Variants in SIGLEC1 observed in about 807,000 individuals in gnomAD.
SIGLEC1 encodes sialoadhesin.
A neutral mutation model predicts 148.0 loss-of-function variants in SIGLEC1; 132 were observed. That is an observed-to-expected ratio of 0.89 (90% CI 0.77 to 1.03). The LOEUF is 1.03. SIGLEC1 is among the 50% of genes least tolerant of loss of function. The probability of loss-of-function intolerance (pLI) is 0.00; values close to 1 mark genes in which losing one functional copy is unlikely to be tolerated. For missense variants in SIGLEC1, 2,253 were observed against 2,271.4 expected (o/e 0.99, Z 0.16); for synonymous variants, 945 against 969.0 (o/e 0.98, Z 0.46).
Position 3,690,115 on chromosome 20 carries a change from C to T in SIGLEC1, c.4741G>A (p.Ala1581Thr), listed in dbSNP as rs1331593945. ...RLVASSQPQGAPAEPHIHVLA... is the reference protein window; with the variant it reads ...RLVASSQPQGTPAEPHIHVLA... ...ACATGGATGTGTGGCTCTGCAGGAG[C>T]ACCCTGGGGCTGACTGGAGGCCACC... The change falls in exon 19 of 22, where the codon GCT (alanine) becomes ACT (threonine). Residue 1581 changes from alanine to threonine, a missense_variant. Ala to Thr is a moderately conservative substitution (Grantham distance 58). Transcript: ENST00000344754. 6 of 1,610,140 alleles carry T rather than the reference C, an allele frequency of 3.7e-6. No homozygotes were observed. Among genetic ancestry groups the T allele is most frequent in the Non-Finnish European group, 5.1e-6 (6 of 1,178,730 alleles).
In SIGLEC1 at chr20:3,691,434, G is replaced by T. The variant is rs2088760903; in HGVS notation, c.4497C>A (p.Thr1499=). 1 of 1,613,214 alleles carries T rather than the reference G, an allele frequency of 6.2e-7. No homozygotes were observed. Among genetic ancestry groups the T allele is most frequent in the Non-Finnish European group, 8.5e-7 (1 of 1,180,022 alleles). Residue 1499 remains threonine (T), a synonymous_variant, in exon 18 of 22, where the codon ACC becomes ACA. Transcript: ENST00000344754. Reference sequence around the variant, plus strand: ...TCCCAGCTTGAGCACGAGCCACGTGGGTGAAGGCGAGAGTGGGCACAGGCT... The same window carrying T: ...TCCCAGCTTGAGCACGAGCCACGTGTGTGAAGGCGAGAGTGGGCACAGGCT... ...HAEPVPTLAF[T]HVARAQAGMY... is the part of the protein sequence containing the mutation.
rs775700529 is a variant in SIGLEC1, at chr20:3,706,021, G to T, written c.429C>A (p.Thr143=). The T allele has an allele frequency of 1.2e-6, 2 of 1,613,260 alleles. No individual in the cohort carries two copies. The highest frequency in any genetic ancestry group is 1.7e-6 in the Non-Finnish European group (2 of 1,179,772). ...VTVTEEPRVP[T]IASPVELLEG... ...CGAGAAGCTCCACCGGGGAGGCAAT[G>T]GTGGGCACCCTGGGCTCCTCTGAGG... Residue 143 remains threonine, a synonymous_variant, in exon 4 of 22, where the codon ACC becomes ACA. Coordinates refer to ENST00000344754, the MANE Select transcript of SIGLEC1 (RefSeq NM_023068.4).
chr20:3,706,542 G>T lies in SIGLEC1; in HGVS notation c.214C>A (p.His72Asn). The change falls in exon 3 of 22, where the codon CAC (histidine) becomes AAC (asparagine). Residue 72 changes from histidine (H) to asparagine (N), a missense_variant. Coordinates refer to ENST00000344754, the MANE Select transcript of SIGLEC1 (RefSeq NM_023068.4). The stretch of plus-strand genomic sequence containing the variant: ...TCCACCAGCTTGGGGTCCGCCGAGT[G>T]GCTCACCACCTGCCGCTGGCCCGAG... ...DYSGQRQVVS[H>N]SADPKLVEAR... 6.2e-7 allele frequency: 1 copy of T among 1,612,672 alleles called. No homozygotes were observed. Among genetic ancestry groups the T allele is most frequent in the Non-Finnish European group, 8.5e-7 (1 of 1,179,874 alleles).
At chr20:3,705,022 C>A (rs1228461092) in intron 4 of SIGLEC1, among the ~76,000 whole-genome samples, 1 of 152,018 alleles carries the variant, frequency 6.6e-6, no homozygotes, top group African/African-American at 2.4e-5. Flanking sequence ...GTTTGAGACA[C>A]AGTCTCACTC....
rs750742290 is a variant in SIGLEC1 at position 3,703,278 on chromosome 20, C to A, written c.1147G>T (p.Ala383Ser). 2 of 1,614,180 alleles carry A rather than the reference C, an allele frequency of 1.2e-6. No individual in the cohort carries two copies. Among genetic ancestry groups the A allele is most frequent in the Admixed American group, 3.3e-5 (2 of 60,026 alleles). The change falls in exon 6 of 22, where the codon GCT becomes TCT. Residue 383 changes from alanine to serine, a missense_variant. By Grantham distance (99) the Ala-to-Ser change is moderately conservative. Transcript: ENST00000344754. ...TCACAGAAGTAGAAGCCAGTATCAG[C>A]CCTAGTGGCCAAGTGCAGCCGGAGG... Reference protein sequence around the residue: ...HTLRLHLATRADTGFYFCEVQ... With the variant: ...HTLRLHLATRSDTGFYFCEVQ...
intron 1 of SIGLEC1, among the ~76,000 whole-genome samples, chr20:3,711,942 T>C (rs1227970797): frequency 1.4e-5 from 2 of 148,042 alleles, no homozygotes; most frequent in Admixed American, 6.7e-5. Flanking sequence ...GATGATCAGG[T>C]TGGAATTCTG....
chr20:3,693,418 A>T, intron 14 of SIGLEC1, 29 bp downstream of exon 14: 1 of 1,534,392 alleles, frequency 6.5e-7, no homozygotes, highest in Non-Finnish European at 8.8e-7. Flanking sequence ...CATTCCTGTG[A>T]GTCCCACCCT....
chr20:3,691,851 A>G, intron 17 of SIGLEC1, 52 bp downstream of exon 17: 1 of 1,524,876 alleles, frequency 6.6e-7, no homozygotes, highest in Non-Finnish European at 8.9e-7. Flanking sequence ...CCTCTCGTGG[A>G]CTTGGACCTG....
Position 3,701,342 on chromosome 20 carries a change from C to A in SIGLEC1, c.1528G>T (p.Ala510Ser), listed in dbSNP as rs779767115. ...ATSTLDFHAN[A>S]ARLLISPAAE... ...CCCTGGCTGCCAGTGCCCATCTTAC[C>A]ATTGGCATGGAAGTCCAGGGTGGAG... The change falls in exon 7 of 22, where the codon GCC becomes TCC. Residue 510 changes from alanine (A) to serine (S), a missense_variant and splice_region_variant. Ala to Ser is a moderately conservative substitution (Grantham distance 99, BLOSUM62 1). Transcript: ENST00000344754. 6.2e-7 allele frequency: 1 copy of A among 1,604,428 alleles called. No individual in the cohort carries two copies. The highest frequency in any genetic ancestry group is 2.2e-5 in the East Asian group (1 of 44,764).
intron 9 of SIGLEC1, 78 bp from the exon 10 acceptor site, chr20:3,697,420 A>G (rs2087812183): frequency 3.8e-6 from 6 of 1,576,792 alleles, no homozygotes; most frequent in Non-Finnish European, 5.2e-6. Context: ...GCCTGGAAGG[A>G]GCAGGAAGGA....
rs534026993 is a variant in SIGLEC1 at position 3,693,214 on chromosome 20, G to A, written c.3509-83C>T. The A allele has an allele frequency of 1.5e-5, 22 of 1,440,496 alleles. No individual in the cohort carries two copies. In the African/African-American group the frequency reaches 2.8e-4, roughly 19 times the overall value. The allele number at this position is 1,440,496 out of a possible 1,614,324, so 89.2% of individuals were successfully genotyped here. The stretch of plus-strand genomic sequence containing the variant: ...TTGCAGGTGGCATTCAAACTCAGGA[G>A]GGCCCTGGCTCCCCACCCCTATGGC... On this transcript the variant is annotated intron_variant, in intron 14 of 21. Transcript: ENST00000344754.
Position 3,706,497 on chromosome 20 carries a change from T to C in SIGLEC1, c.259A>G (p.Thr87Ala), listed in dbSNP as rs1277890861. The C allele has an allele frequency of 6.2e-7, 1 of 1,613,706 alleles. No individual in the cohort carries two copies. The highest frequency in any genetic ancestry group is 1.7e-5 in the Admixed American group (1 of 60,028). The stretch of plus-strand genomic sequence containing the variant: ...TGCTCGGGGTTCCCCATGAACTCGG[T>C]GCGGCCGCGGAAGCGGGCCTCCACC... The part of the protein sequence containing the change: ...KLVEARFRGR[T>A]EFMGNPEHRV... The change falls in exon 3 of 22, where the codon ACC (threonine) becomes GCC (alanine). Residue 87 changes from threonine (T) to alanine (A), a missense_variant. Physicochemically the swap from Thr to Ala is moderately conservative, Grantham distance 58. Transcript: ENST00000344754.
At chr20:3,709,704 G>A (rs561895406) in intron 1 of SIGLEC1, among the ~76,000 whole-genome samples, 1 of 152,258 alleles carries the variant, frequency 6.6e-6, no homozygotes, top group East Asian at 1.9e-4. Flanking sequence ...AACAAACTGT[G>A]GTATGTACAT....
At position 3,707,178 on chromosome 20, in the gene SIGLEC1, G is replaced by T; in HGVS notation, c.-50C>A. Reference sequence around the variant, plus strand: ...TGCCTAAGAGGGTGGTGCGCACTGCGCTGGCTGGGCTCACAGGGGCCTCCA... The same window carrying T: ...TGCCTAAGAGGGTGGTGCGCACTGCTCTGGCTGGGCTCACAGGGGCCTCCA... On this transcript the variant is annotated 5_prime_UTR_variant, in exon 2 of 22. Coordinates refer to ENST00000344754, the MANE Select transcript of SIGLEC1 (RefSeq NM_023068.4). 6.4e-7 allele frequency: 1 copy of T among 1,571,086 alleles called. No homozygotes were observed. Among genetic ancestry groups the T allele is most frequent in the Non-Finnish European group, 8.8e-7 (1 of 1,142,412 alleles).
Position 3,697,961 on chromosome 20 carries a change from G to A in SIGLEC1, c.1959C>T (p.Cys653=). The A allele has an allele frequency of 6.2e-7, 1 of 1,612,096 alleles. No individual in the cohort carries two copies. Among genetic ancestry groups the A allele is most frequent in the African/African-American group, 1.3e-5 (1 of 75,042 alleles). The change falls in exon 9 of 22, where the codon TGC becomes TGT. Residue 653 remains cysteine (C), a synonymous_variant. Coordinates refer to ENST00000344754, the MANE Select transcript of SIGLEC1 (RefSeq NM_023068.4). ...VATSLPSGGG[C]STCGGCSPRM... Reference sequence around the variant, plus strand: ...GTGGGGAACAGCCCCCACAGGTGCTGCAGCCACCCCCTGATGGCAGGGAAG... The same window carrying A: ...GTGGGGAACAGCCCCCACAGGTGCTACAGCCACCCCCTGATGGCAGGGAAG...
At position 3,693,507 on chromosome 20, in the gene SIGLEC1, C is replaced by T. The variant is rs147730240; in HGVS notation, c.3448G>A (p.Gly1150Ser). The part of the protein sequence containing the change: ...TVRDATSYRC[G>S]VGPPGRAPRL... ...GGTGCCCGACCAGGGGGGCCCACAC[C>T]GCAGCGGTAGGAGGTGGCATCCCTG... is the stretch of plus-strand genomic sequence containing the variant. The change falls in exon 14 of 22, where the codon GGT (glycine) becomes AGT (serine). Residue 1150 changes from glycine to serine, a missense_variant. Physicochemically the swap from Gly to Ser is moderately conservative, Grantham distance 56. Coordinates refer to ENST00000344754, the MANE Select transcript of SIGLEC1 (RefSeq NM_023068.4). 2.2e-5 allele frequency: 35 copies of T among 1,609,834 alleles called. No homozygotes were observed. Among genetic ancestry groups the T allele is most frequent in the African/African-American group, 1.1e-4 (8 of 74,898 alleles).
chr20:3,703,437 C>T lies in SIGLEC1; in HGVS notation c.988G>A (p.Val330Met), dbSNP rs1600288977. 6 of 1,573,884 alleles carry T rather than the reference C, an allele frequency of 3.8e-6. No homozygotes were observed. The highest frequency in any genetic ancestry group is 4.3e-6 in the Non-Finnish European group (5 of 1,157,672). The part of the protein sequence containing the change: ...SLHIFMAEVQ[V>M]SPAGPILENQ... ...TCCAGGATGGGACCTGCTGGGCTCA[C>T]CTGGACCTCAGCCACTGCAAGGGCA... Residue 330 changes from valine to methionine, a missense_variant, in exon 6 of 22, where the codon GTG (valine) becomes ATG (methionine). Val to Met is a conservative substitution (Grantham distance 21). Transcript: ENST00000344754.
In SIGLEC1 at chr20:3,706,414, G is replaced by A; in HGVS notation, c.342C>T (p.Asn114=). ...DLQPEDSGSY[N]FRFEISEVNR... is the part of the protein sequence containing the mutation. ...TGACCTCACTGATCTCGAAGCGGAA[G>A]TTGTAGGAACCAGAGTCCTCGGGCT... Residue 114 remains asparagine (N), a synonymous_variant, in exon 3 of 22, where the codon AAC becomes AAT. Transcript: ENST00000344754. The A allele has an allele frequency of 6.2e-7, 1 of 1,614,194 alleles. No homozygotes were observed. The highest frequency in any genetic ancestry group is 8.5e-7 in the Non-Finnish European group (1 of 1,180,026).
intron 5 of SIGLEC1, 149 bp from the exon 6 acceptor site, chr20:3,703,600 C>G: frequency 8.6e-7 from 1 of 1,160,380 alleles, no homozygotes; most frequent in Non-Finnish European, 1.2e-6. Context: ...CTGGAGTGCT[C>G]TGCATCTCTT....
Sources: gnomAD v4.1 joint callset for allele counts (sites outside exome capture counted in the v4.1 genomes callset) on GRCh38, gnomAD v4.1.1 for gene constraint, MANE v1.5 for transcripts, NCBI Gene and HGNC (gene_info 2026-07-23, HGNC 2026-07-21) for gene names.